Variants in SCG3 observed in about 807,000 individuals in gnomAD.
SCG3 encodes secretogranin-3.
In SCG3, 38 loss-of-function variants were observed where a neutral mutation model predicts 56.2. The ratio of observed to expected loss-of-function variants is 0.68; its 90% CI spans 0.52 to 0.89. SCG3 has a LOEUF of 0.89. Ranked by LOEUF, SCG3 falls within the 40% of genes least tolerant of loss-of-function variation. The probability of loss-of-function intolerance (pLI) is 0.00; values close to 1 mark genes in which losing one functional copy is unlikely to be tolerated. For synonymous variants in SCG3, 176 were observed against 184.2 expected (o/e 0.96, Z 0.36); for missense variants, 524 against 540.7 (o/e 0.97, Z 0.31).
chr15:51,692,394 T>C, intron 7 of SCG3, 58 bp downstream of exon 7: 2 of 1,466,016 alleles, frequency 1.4e-6, no homozygotes, highest in Non-Finnish European at 1.9e-6. Flanking sequence ...AGGAAATGTA[T>C]GGGTGTGTTC....
At chr15:51,687,696 C>T (rs746265393) in intron 4 of SCG3, among the ~76,000 whole-genome samples, 43 of 152,282 alleles carry the variant, frequency 2.8e-4, no homozygotes, top group Non-Finnish European at 6.2e-4. Flanking sequence ...CATAAAGACA[C>T]TCTAATACAA....
chr15:51,696,038 C>A, intron 8 of SCG3, 47 bp downstream of exon 8: 1 of 1,094,142 alleles, frequency 9.1e-7, no homozygotes, highest in South Asian at 1.3e-5. Context: ...TTTCATTGTT[C>A]AAAGTAAATT....
intron 7 of SCG3, chr15:51,693,645 T>C (rs750482743): frequency 2.0e-5 from 3 of 152,248 alleles, no homozygotes; most frequent in Non-Finnish European, 4.4e-5. Flanking sequence ...CAGCCCCAGA[T>C]TGAACATTTA....
At chr15:51,695,779 CAAA>C in intron 7 of SCG3, 93 bp from the exon 8 acceptor site, 3 of 724,040 alleles carry the variant, frequency 4.1e-6, no homozygotes, top group African/African-American at 1.8e-5. Flanking sequence ...AAAAAAAACC[CAAA>C]CAAACAAACA....
At chr15:51,686,004 T>C (rs1031244344) in intron 4 of SCG3, among the ~76,000 whole-genome samples, 1 of 152,198 alleles carries the variant, frequency 6.6e-6, no homozygotes, top group Non-Finnish European at 1.5e-5. Flanking sequence ...TAAAATATAT[T>C]GAACAAATGA....
intron 10 of SCG3, among the ~76,000 whole-genome samples, chr15:51,711,211 G>A (rs1012887281): frequency 6.6e-6 from 1 of 152,244 alleles, no homozygotes; most frequent in Non-Finnish European, 1.5e-5. Context: ...TAGCTATGAA[G>A]AGGGAGGCAT....
At chr15:51,696,861 C>T (rs968846894) in intron 8 of SCG3, among the ~76,000 whole-genome samples, 1 of 152,130 alleles carries the variant, frequency 6.6e-6, no homozygotes, top group Non-Finnish European at 1.5e-5. Flanking sequence ...TCCCACCAGG[C>T]CCCACCTCCA....
chr15:51,713,625 T>C (rs1043283434), intron 11 of SCG3, among the ~76,000 whole-genome samples: 6 of 152,224 alleles, frequency 3.9e-5, no homozygotes, highest in Admixed American at 3.3e-4. Context: ...TTTCTTTTCT[T>C]TTACGTTTTA....
intron 11 of SCG3, among the ~76,000 whole-genome samples, chr15:51,717,405 C>T (rs1057134834): frequency 2.7e-5 from 4 of 150,578 alleles, no homozygotes; most frequent in African/African-American, 7.3e-5. Context: ...TGGTGGTGTG[C>T]GCTTGTAGTC....
intron 10 of SCG3, among the ~76,000 whole-genome samples, chr15:51,711,117 A>G (rs904536138): frequency 2.0e-5 from 3 of 152,244 alleles, no homozygotes; most frequent in African/African-American, 4.8e-5. Context: ...TCTGGGAAAC[A>G]GTAGAACATG....
intron 10 of SCG3, among the ~76,000 whole-genome samples, chr15:51,702,883 CTT>C (rs1281909809): frequency 2.0e-5 from 3 of 152,130 alleles, no homozygotes; most frequent in African/African-American, 7.2e-5. Context: ...TGTCTTATCA[CTT>C]GAGCTCAGGA....
chr15:51,701,693 G>C (rs959584214), intron 10 of SCG3, among the ~76,000 whole-genome samples: 2 of 152,180 alleles, frequency 1.3e-5, no homozygotes, highest in African/African-American at 4.8e-5. Context: ...GATTGCTTGA[G>C]CTGAGGGTTT....
intron 4 of SCG3, 74 bp from the exon 5 acceptor site, chr15:51,688,186 G>A: frequency 7.3e-7 from 1 of 1,364,036 alleles, no homozygotes; most frequent in Non-Finnish European, 1.0e-6. Context: ...GCGAAGTACA[G>A]ATTATAAGTA....
At chr15:51,685,905 G>A (rs1469710499) in intron 4 of SCG3, among the ~76,000 whole-genome samples, 2 of 152,164 alleles carry the variant, frequency 1.3e-5, no homozygotes, top group Non-Finnish European at 2.9e-5. Context: ...TGGACTATGA[G>A]GTAGACAATA....
rs542742267 is a variant in SCG3, at chr15:51,713,496, T to C, written c.1288+83T>C. On this transcript the variant is annotated intron_variant, in intron 11 of 11. Coordinates refer to ENST00000220478, the MANE Select transcript of SCG3 (RefSeq NM_013243.4). ...TATATAAAAATTCCCACAGTCAAATTGACTGTGCTAAAGTCTCCCCGCAGA... is the reference window on the plus strand; with the variant it reads ...TATATAAAAATTCCCACAGTCAAATCGACTGTGCTAAAGTCTCCCCGCAGA... 1.6e-5 allele frequency: 15 copies of C among 934,060 alleles called. No individual in the cohort carries two copies. The South Asian group carries it at 2.4e-4, about 15-fold the overall frequency. The allele number at this position is 934,060 out of a possible 1,614,324, so 57.9% of individuals were successfully genotyped here. A position where few individuals can be genotyped will look rare whatever the true frequency, so the allele number is the denominator to read the frequency against.
chr15:51,703,428 T>C (rs2055351098), intron 10 of SCG3, among the ~76,000 whole-genome samples: 2 of 152,352 alleles, frequency 1.3e-5, no homozygotes, highest in South Asian at 4.1e-4. Flanking sequence ...TAACACTTTT[T>C]CCATTTGTGT....
intron 11 of SCG3, chr15:51,715,291 C>T (rs1056501889): frequency 6.6e-5 from 10 of 152,190 alleles, no homozygotes; most frequent in African/African-American, 2.4e-4. Context: ...AAGACAGAAA[C>T]AGAGCTCTTT....
rs1272726104 is a variant in SCG3 at position 51,683,141 on chromosome 15, T to C, written c.181+17T>C. 10 of 1,603,360 alleles carry C rather than the reference T, an allele frequency of 6.2e-6. No homozygotes were observed. Among genetic ancestry groups the C allele is most frequent in the East Asian group, 2.2e-5 (1 of 44,776 alleles). On this transcript the variant is annotated intron_variant, in intron 3 of 11. Transcript: ENST00000220478. ...ATCCTCCAGGTAAAAAGAAATCATA[T>C]TGATGTTAATTTAAATAATGTAGGC...
At chr15:51,689,397 G>GT (rs776237354) in intron 6 of SCG3, 29 bp downstream of exon 6, 14 of 1,087,886 alleles carry the variant, frequency 1.3e-5, no homozygotes, top group South Asian at 3.7e-5. Flanking sequence ...GCATATGCAT[G>GT]GGGGTGTGTG....
Sources: allele counts gnomAD v4.1 joint callset (sites outside exome capture counted in the v4.1 genomes callset), GRCh38; gene constraint gnomAD v4.1.1; transcripts MANE v1.5; gene names NCBI Gene and HGNC (gene_info 2026-07-23, HGNC 2026-07-21).